HDAC7: variants seen among roughly 807,000 people sequenced by gnomAD.
HDAC7 encodes the protein histone deacetylase 7.
HDAC7 carries 26 observed loss-of-function variants against 115.5 expected under a neutral mutation model. The observed-to-expected ratio is 0.23, with a 90% CI of 0.16 to 0.31. The LOEUF is 0.31. Ranked by LOEUF, HDAC7 falls within the 10% of genes least tolerant of loss-of-function variation. HDAC7 has a pLI of 1.00. For missense variants in HDAC7, 1,068 were observed against 1,329.0 expected (o/e 0.80, Z 3.05); for synonymous variants, 564 against 550.9 (o/e 1.02, Z -0.33).
rs371234369 is a variant in HDAC7, at chr12:47,795,170, C to T, written c.1284+14G>A. 1.9e-6 allele frequency: 3 copies of T among 1,605,892 alleles called. No individual in the cohort carries two copies. In the African/African-American group the frequency reaches 4.0e-5, roughly 21 times the overall value. ...AACACTCCCTCAATACCTCCACTGC[C>T]CAATTCCTCTCACCTTGATCACCTG... is the stretch of plus-strand genomic sequence containing the variant. On this transcript the variant is annotated intron_variant, in intron 11 of 25. Coordinates refer to ENST00000080059, the MANE Select transcript of HDAC7 (RefSeq NM_015401.5). The surrounding 1 kb of genome is among the most constrained non-coding windows in gnomAD (Gnocchi z 4.3).
chr12:47,815,442 C>T (rs1196835470), intron 1 of HDAC7, among the ~76,000 whole-genome samples: 2 of 152,194 alleles, frequency 1.3e-5, no homozygotes, highest in African/African-American at 2.4e-5. Context: ...AGAGAAACTA[C>T]ATACCTTCTG....
chr12:47,791,749 T>C (rs776891588), intron 14 of HDAC7, 43 bp from the exon 15 acceptor site: 16 of 1,605,902 alleles, frequency 1.0e-5, no homozygotes, highest in Non-Finnish European at 1.4e-5. Context: ...GCTCGCCCCT[T>C]CCCTCCCATC....
At chr12:47,817,181 C>T (rs984201051) in intron 1 of HDAC7, among the ~76,000 whole-genome samples, 1 of 152,230 alleles carries the variant, frequency 6.6e-6, no homozygotes, top group African/African-American at 2.4e-5. Context: ...CCACCCCCAG[C>T]TCACTGCTCT....
intron 7 of HDAC7, 128 bp from the exon 8 acceptor site, chr12:47,796,426 C>CTT (rs35550737): frequency 0.01 from 4,649 of 460,042 alleles, 30 homozygotes; most frequent in African/African-American, 0.034. Flanking sequence ...TTCCTGCTTT[C>CTT]TTTTTTTTTT....
intron 1 of HDAC7, among the ~76,000 whole-genome samples, chr12:47,814,290 T>C (rs144028682): frequency 0.012 from 1,880 of 152,330 alleles, 31 homozygotes; most frequent in African/African-American, 0.043. Context: ...TTTCTGGTTC[T>C]GTCCTCTCTT....
Position 47,797,170 on chromosome 12 carries a change from C to T in HDAC7, c.578-28G>A. The T allele has an allele frequency of 6.4e-7, 1 of 1,565,122 alleles. No individual in the cohort carries two copies. The highest frequency in any genetic ancestry group is 8.7e-7 in the Non-Finnish European group (1 of 1,154,878). On this transcript the variant is annotated intron_variant, in intron 6 of 25. Coordinates refer to ENST00000080059, the MANE Select transcript of HDAC7 (RefSeq NM_015401.5). This position sits in a 1 kb window ranked among gnomAD's most constrained non-coding sequence, Gnocchi z 5.5. ...GCAGGGAGCACCAGCGTCACTCAGG[C>T]CCCCACCACCCTTCTTTTTTCCACC...
chr12:47,789,487 C>T, intron 18 of HDAC7, 36 bp downstream of exon 18: 1 of 1,610,082 alleles, frequency 6.2e-7, no homozygotes, highest in Non-Finnish European at 8.5e-7. Flanking sequence ...GGCTTGCCCC[C>T]CACCTCATCC....
rs773401433 is a variant in HDAC7 at position 47,816,494 on chromosome 12, G to A, written c.19+3273C>T. On this transcript the variant is annotated intron_variant, in intron 1 of 25. Transcript: ENST00000080059. ...CCACCACATAGATCACAAATTGCCC[G>A]GAACCACCACATCAGCATACACAGG... is the stretch of plus-strand genomic sequence containing the variant. Among the ~76,000 whole-genome samples, 32 of 152,122 alleles carry A rather than the reference G, an allele frequency of 2.1e-4. No individual in the cohort carries two copies. In the Middle Eastern group the frequency reaches 0.014, roughly 65 times the overall value.
chr12:47,789,318 G>A lies in HDAC7; in HGVS notation c.2178C>T (p.Ile726=), dbSNP rs143801167. ...MGFCFFNSVA[I]ACRQLQQQSK... is the part of the protein sequence containing the mutation. ...TCTGCTGTTGCAGCTGCCGGCAGGC[G>A]ATGGCCACTGAGTTGAAGAAGCAGA... is the stretch of plus-strand genomic sequence containing the variant. Residue 726 remains isoleucine (I), a synonymous_variant, in exon 19 of 26, where the codon ATC becomes ATT. Transcript: ENST00000080059. 9 of 1,613,852 alleles carry A rather than the reference G, an allele frequency of 5.6e-6. No homozygotes were observed. The highest frequency in any genetic ancestry group is 2.7e-5 in the African/African-American group (2 of 74,924).
chr12:47,820,767 T>C (rs1417422843), upstream of HDAC7, among the ~76,000 whole-genome samples: 1 of 149,048 alleles, frequency 6.7e-6, no homozygotes, highest in Non-Finnish European at 1.5e-5. The surrounding 1 kb of genome is among the most constrained non-coding windows in gnomAD (Gnocchi z 4.3). Flanking sequence ...ACTTCAGCAA[T>C]GTGCCCAGTG....
chr12:47,798,057 G>T lies in HDAC7; in HGVS notation c.461+51C>A. 7.7e-7 allele frequency: 1 copy of T among 1,291,650 alleles called. No homozygotes were observed. Among genetic ancestry groups the T allele is most frequent in the African/African-American group, 1.5e-5 (1 of 68,582 alleles). The allele number at this position is 1,291,650 out of a possible 1,614,324, so 80.0% of individuals were successfully genotyped here. A position where few individuals can be genotyped will look rare whatever the true frequency, so the allele number is the denominator to read the frequency against. On this transcript the variant is annotated intron_variant, in intron 5 of 25. Coordinates refer to ENST00000080059, the MANE Select transcript of HDAC7 (RefSeq NM_015401.5). The surrounding 1 kb of genome is among the most constrained non-coding windows in gnomAD (Gnocchi z 4.3). The stretch of plus-strand genomic sequence containing the variant: ...GTGTGCTCATGGCTAACACGGGGGC[G>T]GGGGTGGAGGGTGCATGTGGGGACA...
intron 24 of HDAC7, chr12:47,784,767 A>G (rs1305468774): frequency 2.0e-6 from 3 of 1,535,388 alleles, no homozygotes; most frequent in African/African-American, 2.7e-5. Flanking sequence ...GTGAGGAACC[A>G]TGTCCTGGAA....
chr12:47,791,982 CATGA>C lies in HDAC7; in HGVS notation c.1697_1700del (p.Val566GlyfsTer2). ...CACCGCAGGAGCACTGGTGCTTCAG[CATGA>C]CCGAGTCATAGATCAGCCCTGCAGG... is the stretch of plus-strand genomic sequence containing the variant. On this transcript the variant is annotated frameshift_variant, in exon 14 of 26. Coordinates refer to ENST00000080059, the MANE Select transcript of HDAC7 (RefSeq NM_015401.5). LOFTEE classifies it high-confidence loss of function. The C allele has an allele frequency of 6.2e-7, 1 of 1,610,362 alleles. No homozygotes were observed. Among genetic ancestry groups the C allele is most frequent in the Non-Finnish European group, 8.5e-7 (1 of 1,178,188 alleles).
rs1485255151 is a variant in HDAC7, at chr12:47,797,005, GC to G, written c.703+11del. ...TGAGGATGGCAACCGCACTGGCTCA[GC>G]CGGCCCTCACCTCCGAGGGTCTCTG... is the stretch of plus-strand genomic sequence containing the variant. On this transcript the variant is annotated intron_variant, in intron 7 of 25. Coordinates refer to ENST00000080059, the MANE Select transcript of HDAC7 (RefSeq NM_015401.5). This position sits in a 1 kb window ranked among gnomAD's most constrained non-coding sequence, Gnocchi z 5.5. The G allele has an allele frequency of 5.2e-6, 8 of 1,534,638 alleles. No homozygotes were observed. The highest frequency in any genetic ancestry group is 7.0e-6 in the Non-Finnish European group (8 of 1,145,058).
chr12:47,802,169 T>C, intron 2 of HDAC7, 55 bp downstream of exon 2: 2 of 1,558,698 alleles, frequency 1.3e-6, no homozygotes, highest in Non-Finnish European at 8.8e-7. Context: ...CTTACAGCCT[T>C]TCCACCCCTC....
At chr12:47,805,261 T>G (rs12816989) in intron 1 of HDAC7, among the ~76,000 whole-genome samples, 23,590 of 150,142 alleles carry the variant, frequency 0.16, 2,638 homozygotes, top group African/African-American at 0.32. Context: ...GTTTTGTTGT[T>G]TTTTTTTTTG....
chr12:47,819,773 CG>C lies in HDAC7; in HGVS notation c.12del (p.Gly5AlafsTer7). On this transcript the variant is annotated frameshift_variant, in exon 1 of 26. Transcript: ENST00000080059. LOFTEE classifies it high-confidence loss of function. Reference sequence around the variant, plus strand: ...GCGGCCGCCCAGTACTCACCAGCGCCGGGGCTGTGCATCCAGGGGCCGGGGC... The same window carrying C: ...GCGGCCGCCCAGTACTCACCAGCGCCGGGCTGTGCATCCAGGGGCCGGGGC... MHSPGADGTQVSPG... is the reference protein window; with the variant it reads MHSXGADGTQVSPG... The C allele has an allele frequency of 1.3e-6, 1 of 769,558 alleles. No individual in the cohort carries two copies. The highest frequency in any genetic ancestry group is 1.6e-6 in the Non-Finnish European group (1 of 642,222). The allele number at this position is 769,558 out of a possible 1,614,324, so 47.7% of individuals were successfully genotyped here.
intron 2 of HDAC7, among the ~76,000 whole-genome samples, chr12:47,801,932 T>C (rs1018144984): frequency 6.6e-6 from 1 of 152,144 alleles, no homozygotes; most frequent in Non-Finnish European, 1.5e-5. Flanking sequence ...GGTCTCAGTA[T>C]AAATATTAGC....
chr12:47,800,356 C>A (rs1944102636), intron 2 of HDAC7, among the ~76,000 whole-genome samples: 1 of 152,146 alleles, frequency 6.6e-6, no homozygotes, highest in African/African-American at 2.4e-5. Context: ...TCTCACTAAG[C>A]AAAGAGGGGT....
Sources: gnomAD v4.1 joint callset for allele counts (sites outside exome capture counted in the v4.1 genomes callset) on GRCh38, gnomAD v4.1.1 for gene constraint, Gnocchi (gnomAD v3.1) non-coding constraint, MANE v1.5 for transcripts, NCBI Gene and HGNC (gene_info 2026-07-23, HGNC 2026-07-21) for gene names.